The following ADAT3 variants were observed in gnomAD, a reference collection of about 807,000 sequenced individuals.
ADAT3 encodes adenosine deaminase tRNA specific 3.
Under a neutral mutation model 3.5 loss-of-function variants are expected in ADAT3, and 2 were observed. The observed-to-expected ratio is 0.57, with a 90% CI of 0.23 to 1.79. The LOEUF is 1.79. ADAT3 is among the 40% of genes most tolerant of loss of function. The probability of loss-of-function intolerance (pLI) is 0.18; values close to 1 mark genes in which losing one functional copy is unlikely to be tolerated. For synonymous variants in ADAT3, 358 were observed against 270.3 expected (o/e 1.32, Z -3.18); for missense variants, 735 against 571.4 (o/e 1.29, Z -2.92).
chr19:1,910,450 G>A (rs1242137178), intron 1 of ADAT3, among the ~76,000 whole-genome samples: 2 of 152,124 alleles, frequency 1.3e-5, no homozygotes, highest in African/African-American at 4.8e-5. Flanking sequence ...GTAGGGTGGT[G>A]AGACAAGTTT....
In ADAT3 at chr19:1,908,075, G is replaced by A. The variant is rs1196016612; in HGVS notation, c.-159+2636G>A. 5.8e-6 allele frequency: 1 copy of A among 173,724 alleles called. No individual in the cohort carries two copies. Among genetic ancestry groups the A allele is most frequent in the Admixed American group, 6.0e-5 (1 of 16,674 alleles). The allele number at this position is 173,724 out of a possible 1,614,324, so 10.8% of individuals were successfully genotyped here. On this transcript the variant is annotated intron_variant, in intron 1 of 1. Coordinates refer to ENST00000329478, the MANE Select transcript of ADAT3 (RefSeq NM_138422.4). The surrounding 1 kb of genome is among the most constrained non-coding windows in gnomAD (Gnocchi z 4.2). ...TGGAGGGACAAGCGAGGCTGTGTTT[G>A]TCTTTTACCCTGGAGACAGTGGAGT... is the stretch of plus-strand genomic sequence containing the variant.
Position 1,913,148 on chromosome 19 carries a change from GT to G in ADAT3, c.1102del (p.Ter368ArgfsTer?), listed in dbSNP as rs1568766929. The G allele has an allele frequency of 1.3e-6, 2 of 1,543,902 alleles. No homozygotes were observed. The highest frequency in any genetic ancestry group is 3.9e-5 in the Admixed American group (2 of 51,872). Reference protein sequence around the residue: ...EQCRWLDPDT* With the variant: ...EQCRWLDPDTX Reference sequence around the variant, plus strand: ...AGTGCCGCTGGCTGGACCCCGACACGTAGGCGCCGCCCTCCTGCCTCCGGAC... The same window carrying G: ...AGTGCCGCTGGCTGGACCCCGACACGAGGCGCCGCCCTCCTGCCTCCGGAC... On this transcript the variant is annotated frameshift_variant and stop_lost, in exon 2 of 2. Coordinates refer to ENST00000329478, the MANE Select transcript of ADAT3 (RefSeq NM_138422.4). LOFTEE classifies it high-confidence loss of function.
At position 1,912,735 on chromosome 19, in the gene ADAT3, T is replaced by G. The variant is rs746157153; in HGVS notation, c.688T>G (p.Cys230Gly). 2.0e-6 allele frequency: 3 copies of G among 1,536,948 alleles called. No homozygotes were observed. The highest frequency in any genetic ancestry group is 2.6e-6 in the Non-Finnish European group (3 of 1,149,334). The change falls in exon 2 of 2, where the codon TGC (cysteine) becomes GGC (glycine). Residue 230 changes from cysteine to glycine, a missense_variant. Coordinates refer to ENST00000329478, the MANE Select transcript of ADAT3 (RefSeq NM_138422.4). ...SDRVLATGHD[C>G]SCADNPLLHA... ...CCGCGTGCTGGCCACCGGCCACGAC[T>G]GCAGCTGCGCGGACAACCCCCTCCT... is the stretch of plus-strand genomic sequence containing the variant.
Position 1,912,287 on chromosome 19 carries a change from G to A in ADAT3, c.240G>A (p.Ser80=). 1 of 1,577,118 alleles carries A rather than the reference G, an allele frequency of 6.3e-7. No individual in the cohort carries two copies. Among genetic ancestry groups the A allele is most frequent in the Non-Finnish European group, 8.6e-7 (1 of 1,166,444 alleles). ...RQTSRLLKEV[S]ALHPLPAQPH... ...CCTCACGCCTCCTGAAGGAGGTGTC[G>A]GCCCTGCACCCGCTCCCCGCCCAGC... The change falls in exon 2 of 2, where the codon TCG becomes TCA. Residue 80 remains serine, a synonymous_variant. Coordinates refer to ENST00000329478, the MANE Select transcript of ADAT3 (RefSeq NM_138422.4).
In ADAT3 at chr19:1,912,253, A is replaced by T; in HGVS notation, c.206A>T (p.Lys69Met). The T allele has an allele frequency of 2.5e-6, 4 of 1,598,314 alleles. No individual in the cohort carries two copies. Among genetic ancestry groups the T allele is most frequent in the Non-Finnish European group, 3.4e-6 (4 of 1,174,994 alleles). ...GCCTACGCCGCGCCCGTCCTGGACA[A>T]GCGCCAGACCTCACGCCTCCTGAAG... ...VLAYAAPVLD[K>M]RQTSRLLKEV... The change falls in exon 2 of 2, where the codon AAG becomes ATG. Residue 69 changes from lysine to methionine, a missense_variant. Coordinates refer to ENST00000329478, the MANE Select transcript of ADAT3 (RefSeq NM_138422.4).
chr19:1,911,547 G>A (rs914450907), intron 1 of ADAT3, among the ~76,000 whole-genome samples: 1 of 152,206 alleles, frequency 6.6e-6, no homozygotes, highest in African/African-American at 2.4e-5. Context: ...CCACCAGGTT[G>A]AAGCGGGTGG....
In ADAT3 at chr19:1,912,134, C is replaced by G; in HGVS notation, c.87C>G (p.Cys29Trp). 6.4e-7 allele frequency: 1 copy of G among 1,556,352 alleles called. No individual in the cohort carries two copies. The highest frequency in any genetic ancestry group is 1.9e-5 in the Admixed American group (1 of 52,042). The change falls in exon 2 of 2, where the codon TGC becomes TGG. Residue 29 changes from cysteine (C) to tryptophan (W), a missense_variant. Coordinates refer to ENST00000329478, the MANE Select transcript of ADAT3 (RefSeq NM_138422.4). ...CGGGCCTCGTGGAGCAGCCCAAGTG[C>G]TTGGAGGCCGGGAGCCCGGAGCCTG... ...PAPGLVEQPK[C>W]LEAGSPEPEP...
intron 1 of ADAT3, chr19:1,906,534 G>GTC (rs906723511): frequency 5.3e-5 from 8 of 152,012 alleles, no homozygotes; most frequent in African/African-American, 1.9e-4. Flanking sequence ...GCGAGACCCT[G>GTC]TCTCTAAATA....
At chr19:1,909,909 C>A (rs2013348071) in intron 1 of ADAT3, among the ~76,000 whole-genome samples, 1 of 152,364 alleles carries the variant, frequency 6.6e-6, no homozygotes, top group South Asian at 2.1e-4. Context: ...CGTTTCGTGG[C>A]TTGTCTTCTG....
Position 1,913,195 on chromosome 19 carries a change from G to A in ADAT3, c.*44G>A, listed in dbSNP as rs1207785101. On this transcript the variant is annotated 3_prime_UTR_variant, in exon 2 of 2. Coordinates refer to ENST00000329478, the MANE Select transcript of ADAT3 (RefSeq NM_138422.4). ...CGGACCCTTCCCGCTCCCGGCCGTG[G>A]GGCGCCCCTCCTGGACTTCCGGGCC... 1 of 1,468,720 alleles carries A rather than the reference G, an allele frequency of 6.8e-7. No individual in the cohort carries two copies. The highest frequency in any genetic ancestry group is 9.0e-7 in the Non-Finnish European group (1 of 1,110,632). The allele number at this position is 1,468,720 out of a possible 1,614,324, so 91.0% of individuals were successfully genotyped here.
At position 1,913,039 on chromosome 19, in the gene ADAT3, G is replaced by A. The variant is rs763539109; in HGVS notation, c.992G>A (p.Gly331Asp). ...RVFYGAPSPD[G>D]ALGTRFRIHA... ...TTCTACGGTGCGCCCTCGCCCGACG[G>A]CGCCCTGGGCACCCGCTTCCGCATC... Residue 331 changes from glycine (G) to aspartate (D), a missense_variant, in exon 2 of 2, where the codon GGC becomes GAC. Transcript: ENST00000329478. 2 of 1,603,836 alleles carry A rather than the reference G, an allele frequency of 1.2e-6. No individual in the cohort carries two copies. Among genetic ancestry groups the A allele is most frequent in the Non-Finnish European group, 1.7e-6 (2 of 1,179,098 alleles).
At position 1,912,583 on chromosome 19, in the gene ADAT3, G is replaced by A; in HGVS notation, c.536G>A (p.Arg179Gln). The A allele has an allele frequency of 6.7e-7, 1 of 1,496,032 alleles. No homozygotes were observed. Among genetic ancestry groups the A allele is most frequent in the Non-Finnish European group, 8.9e-7 (1 of 1,129,470 alleles). 92.7% of individuals were successfully genotyped at this position (1,496,032 alleles called of 1,614,324 possible). The change falls in exon 2 of 2, where the codon CGG becomes CAG. Residue 179 changes from arginine (R) to glutamine (Q), a missense_variant. Coordinates refer to ENST00000329478, the MANE Select transcript of ADAT3 (RefSeq NM_138422.4). ...CAGGTGACCAGCGCCCTGGCTGGGC[G>A]GCTCTTCTCCACGCAGGAGCGCGCC... ...DKQVTSALAG[R>Q]LFSTQERAAM...
In ADAT3 at chr19:1,912,045, C is replaced by G; in HGVS notation, c.-3C>G. 7.1e-7 allele frequency: 1 copy of G among 1,416,840 alleles called. No individual in the cohort carries two copies. Among genetic ancestry groups the G allele is most frequent in the Non-Finnish European group, 9.2e-7 (1 of 1,091,664 alleles). The allele number at this position is 1,416,840 out of a possible 1,614,324, so 87.8% of individuals were successfully genotyped here. A position where few individuals can be genotyped will look rare whatever the true frequency, so the allele number is the denominator to read the frequency against. ...CTCTCCCCCAGCCGCCCGCAGCCGC[C>G]GGATGATCCTCTGCTCCCGTCTCTG... On this transcript the variant is annotated 5_prime_UTR_variant, in exon 2 of 2. Coordinates refer to ENST00000329478, the MANE Select transcript of ADAT3 (RefSeq NM_138422.4).
chr19:1,911,972 G>C lies in ADAT3; in HGVS notation c.-76G>C. 1 of 1,405,818 alleles carries C rather than the reference G, an allele frequency of 7.1e-7. No individual in the cohort carries two copies. The allele number at this position is 1,405,818 out of a possible 1,614,324, so 87.1% of individuals were successfully genotyped here. On this transcript the variant is annotated 5_prime_UTR_variant, in exon 2 of 2. Coordinates refer to ENST00000329478, the MANE Select transcript of ADAT3 (RefSeq NM_138422.4). ...CGGACTAGCCTCAGCTTTGGTGGCAGCACGCCCTGCCTTGTGGAGCCACGG... is the reference window on the plus strand; with the variant it reads ...CGGACTAGCCTCAGCTTTGGTGGCACCACGCCCTGCCTTGTGGAGCCACGG...
At chr19:1,909,322 C>T (rs2013310902) in intron 1 of ADAT3, among the ~76,000 whole-genome samples, 2 of 152,164 alleles carry the variant, frequency 1.3e-5, no homozygotes, top group African/African-American at 4.8e-5. Flanking sequence ...TGGCTGTCCC[C>T]ACGCCTGCCT....
In ADAT3 at chr19:1,913,009, G is replaced by C. The variant is rs149740927; in HGVS notation, c.962G>C (p.Arg321Pro). The C allele has an allele frequency of 4.7e-5, 75 of 1,607,140 alleles. No homozygotes were observed. Among genetic ancestry groups the C allele is most frequent in the Non-Finnish European group, 5.6e-5 (66 of 1,179,344 alleles). ...AMALVHARIL[R>P]VFYGAPSPDG... ...GCCCTGGTGCACGCACGCATCCTGC[G>C]CGTCTTCTACGGTGCGCCCTCGCCC... Residue 321 changes from arginine (R) to proline (P), a missense_variant, in exon 2 of 2, where the codon CGC (arginine) becomes CCC (proline). Coordinates refer to ENST00000329478, the MANE Select transcript of ADAT3 (RefSeq NM_138422.4).
rs1217241194 is a variant in ADAT3 at position 1,913,216 on chromosome 19, G to A, written c.*65G>A. 1.2e-5 allele frequency: 17 copies of A among 1,456,612 alleles called. No individual in the cohort carries two copies. Among genetic ancestry groups the A allele is most frequent in the Admixed American group, 7.9e-5 (3 of 38,208 alleles). The allele number at this position is 1,456,612 out of a possible 1,614,324, so 90.2% of individuals were successfully genotyped here. A position where few individuals can be genotyped will look rare whatever the true frequency, so the allele number is the denominator to read the frequency against. On this transcript the variant is annotated 3_prime_UTR_variant, in exon 2 of 2. Coordinates refer to ENST00000329478, the MANE Select transcript of ADAT3 (RefSeq NM_138422.4). ...CGTGGGGCGCCCCTCCTGGACTTCC[G>A]GGCCTCGATTTCTTCCGCACAAGCC...
intron 1 of ADAT3, among the ~76,000 whole-genome samples, chr19:1,910,352 C>T (rs1031678528): frequency 2.2e-4 from 33 of 152,174 alleles, no homozygotes; most frequent in Admixed American, 7.2e-4. Context: ...GGAAGCCAGG[C>T]GCCGCCTGTC....
chr19:1,912,361 C>G lies in ADAT3; in HGVS notation c.314C>G (p.Ala105Gly), dbSNP rs1053758336. 4.6e-6 allele frequency: 7 copies of G among 1,528,724 alleles called. No homozygotes were observed. The East Asian group carries it at 1.8e-4, about 39-fold the overall frequency. 94.7% of individuals were successfully genotyped at this position (1,528,724 alleles called of 1,614,324 possible). The change falls in exon 2 of 2, where the codon GCC (alanine) becomes GGC (glycine). Residue 105 changes from alanine (A) to glycine (G), a missense_variant. Coordinates refer to ENST00000329478, the MANE Select transcript of ADAT3 (RefSeq NM_138422.4). ...RPSRDAGSPH[A>G]LEMLLCLAGP... ...AGCCGCGATGCCGGCAGCCCCCACG[C>G]CCTGGAGATGCTGCTTTGCCTGGCT... is the stretch of plus-strand genomic sequence containing the variant.
Sources: allele counts gnomAD v4.1 joint callset (sites outside exome capture counted in the v4.1 genomes callset), GRCh38; gene constraint gnomAD v4.1.1; non-coding constraint Gnocchi (gnomAD v3.1); transcripts MANE v1.5; gene names NCBI Gene and HGNC (gene_info 2026-07-23, HGNC 2026-07-21).